SPON1: variants seen among roughly 807,000 people sequenced by gnomAD.
The protein encoded by SPON1 is spondin 1, also known as spondin-1.
SPON1 carries 52 observed loss-of-function variants against 111.7 expected under a neutral mutation model. The observed-to-expected ratio is 0.47, with a 90% CI of 0.37 to 0.59. The LOEUF is 0.59. SPON1 is among the 20% of genes least tolerant of loss of function. The probability of loss-of-function intolerance (pLI) is 0.00; values close to 1 mark genes in which losing one functional copy is unlikely to be tolerated. For missense variants in SPON1, 957 were observed against 1,068.5 expected (o/e 0.90, Z 1.46); for synonymous variants, 410 against 395.8 (o/e 1.04, Z -0.43).
At chr11:14,060,366 T>C (rs1848782484) in intron 3 of SPON1, among the ~76,000 whole-genome samples, 2 of 152,302 alleles carry the variant, frequency 1.3e-5, no homozygotes, top group East Asian at 3.9e-4. Flanking sequence ...CCTTGACAAA[T>C]GGAAGGCAGG....
At position 14,259,321 on chromosome 11, in the gene SPON1, C is replaced by G; in HGVS notation, c.1534C>G (p.Pro512Ala). The G allele has an allele frequency of 6.2e-7, 1 of 1,613,084 alleles. No homozygotes were observed. The highest frequency in any genetic ancestry group is 8.5e-7 in the Non-Finnish European group (1 of 1,179,630). Reference sequence around the variant, plus strand: ...CATGTCCGAGTGGATCACCTGGTCGCCCTGCAGCATCTCCTGCGGCATGGG... The same window carrying G: ...CATGTCCGAGTGGATCACCTGGTCGGCCTGCAGCATCTCCTGCGGCATGGG... ...CTMSEWITWS[P>A]CSISCGMGMR... The change falls in exon 12 of 16, where the codon CCC becomes GCC. Residue 512 changes from proline to alanine, a missense_variant. Physicochemically the swap from Pro to Ala is conservative, Grantham distance 27 (BLOSUM62 -1). This residue lies in a region of SPON1 where 549 missense variants were observed against 606.2 expected (regional missense o/e 0.91). Transcript: ENST00000576479. The surrounding 1 kb of genome is among the most constrained non-coding windows in gnomAD (Gnocchi z 5.0).
At chr11:14,171,606 C>T (rs1325150140) in intron 6 of SPON1, among the ~76,000 whole-genome samples, 4 of 151,976 alleles carry the variant, frequency 2.6e-5, no homozygotes, top group African/African-American at 9.7e-5. Context: ...TTAGATCTTT[C>T]CTGCTTTCTC....
At chr11:14,211,697 T>G (rs910430833) in intron 6 of SPON1, among the ~76,000 whole-genome samples, 1 of 152,222 alleles carries the variant, frequency 6.6e-6, no homozygotes, top group Non-Finnish European at 1.5e-5. Context: ...TATATAGTAA[T>G]GTAGTATATA....
intron 1 of SPON1, among the ~76,000 whole-genome samples, chr11:13,965,212 A>G (rs1848007095): frequency 6.6e-6 from 1 of 152,068 alleles, no homozygotes; most frequent in Non-Finnish European, 1.5e-5. Flanking sequence ...CCATTCATCT[A>G]CCAGTGGTTA....
intron 15 of SPON1, among the ~76,000 whole-genome samples, chr11:14,264,327 A>G (rs1394304761): frequency 6.6e-5 from 10 of 152,238 alleles, no homozygotes; most frequent in Admixed American, 6.5e-5. Context: ...AAACAGACAC[A>G]GAGGCCAGAT....
At chr11:13,971,989 T>C (rs991992165) in intron 1 of SPON1, among the ~76,000 whole-genome samples, 10 of 152,208 alleles carry the variant, frequency 6.6e-5, no homozygotes, top group African/African-American at 2.4e-4. Context: ...GTTCTGTCCT[T>C]TGGAATCAAG....
At chr11:14,197,574 G>A (rs907839522) in intron 6 of SPON1, among the ~76,000 whole-genome samples, 1 of 151,534 alleles carries the variant, frequency 6.6e-6, no homozygotes, top group East Asian at 1.9e-4. Flanking sequence ...AGCACTTTGG[G>A]GCAGTATCAC....
chr11:14,195,965 A>G (rs1340757083), intron 6 of SPON1, among the ~76,000 whole-genome samples: 7 of 152,220 alleles, frequency 4.6e-5, no homozygotes, highest in African/African-American at 1.7e-4. Context: ...ATGTGCCTCT[A>G]GAAACATTTT....
chr11:14,263,042 T>G, intron 15 of SPON1, 67 bp downstream of exon 15: 2 of 1,400,260 alleles, frequency 1.4e-6, no homozygotes, highest in Non-Finnish European at 9.4e-7. Context: ...GGGCTAAGTC[T>G]TGGACCTGTT....
intron 5 of SPON1, among the ~76,000 whole-genome samples, chr11:14,118,707 C>T (rs918268114): frequency 6.6e-6 from 1 of 152,104 alleles, no homozygotes; most frequent in Non-Finnish European, 1.5e-5. Flanking sequence ...AGAACTAATC[C>T]CGGTGACAGG....
At chr11:14,007,737 C>T (rs1554913305) in intron 2 of SPON1, among the ~76,000 whole-genome samples, 1 of 152,172 alleles carries the variant, frequency 6.6e-6, no homozygotes, top group Non-Finnish European at 1.5e-5. Flanking sequence ...TGCTGTGTGG[C>T]CCAGCTCCTA....
chr11:13,996,597 G>A (rs1340041921), intron 2 of SPON1, among the ~76,000 whole-genome samples: 1 of 152,036 alleles, frequency 6.6e-6, no homozygotes, highest in Admixed American at 6.5e-5. Context: ...GATAAATACA[G>A]AGAAAGATAA....
intron 7 of SPON1, among the ~76,000 whole-genome samples, chr11:14,245,047 G>T (rs1189537574): frequency 3.3e-5 from 5 of 152,206 alleles, no homozygotes; most frequent in Non-Finnish European, 5.9e-5. Flanking sequence ...CTAGGGAGTA[G>T]TCTACATCCA....
At chr11:14,211,064 T>C (rs1311352935) in intron 6 of SPON1, among the ~76,000 whole-genome samples, 8 of 152,162 alleles carry the variant, frequency 5.3e-5, no homozygotes, top group African/African-American at 1.7e-4. Context: ...TCTTTTTCCT[T>C]AGGATTGTCT....
chr11:14,021,849 A>G (rs1554914815), intron 2 of SPON1, among the ~76,000 whole-genome samples: 1 of 152,212 alleles, frequency 6.6e-6, no homozygotes, highest in Non-Finnish European at 1.5e-5. Flanking sequence ...GCACAATTCA[A>G]TGGCTTGCGT....
In SPON1 at chr11:14,259,593, G is replaced by T. The variant is rs782664144; in HGVS notation, c.1723G>T (p.Gly575Cys). The change falls in exon 13 of 16, where the codon GGC (glycine) becomes TGC (cysteine). Residue 575 changes from glycine (G) to cysteine (C), a missense_variant. Coordinates refer to ENST00000576479, the MANE Select transcript of SPON1 (RefSeq NM_006108.4). This position sits in a 1 kb window ranked among gnomAD's most constrained non-coding sequence, Gnocchi z 5.0. ...GEWDECSATC[G>C]MGMKKRHRMI... ...GTGGGACGAGTGCAGCGCCACCTGCGGCATGGGCATGAAGAAGCGGCACCG... is the reference window on the plus strand; with the variant it reads ...GTGGGACGAGTGCAGCGCCACCTGCTGCATGGGCATGAAGAAGCGGCACCG... 6.4e-7 allele frequency: 1 copy of T among 1,555,534 alleles called. No homozygotes were observed. The highest frequency in any genetic ancestry group is 1.9e-5 in the Admixed American group (1 of 51,284).
chr11:14,176,446 C>A (rs1237517183), intron 6 of SPON1, among the ~76,000 whole-genome samples: 4 of 152,124 alleles, frequency 2.6e-5, no homozygotes, highest in Non-Finnish European at 5.9e-5. Flanking sequence ...AGACACCCTG[C>A]AATGAGGCTA....
In SPON1 at chr11:14,262,947, G is replaced by T. The variant is rs781979345; in HGVS notation, c.2232G>T (p.Lys744Asn). The T allele has an allele frequency of 5.0e-6, 8 of 1,613,312 alleles. No individual in the cohort carries two copies. The highest frequency in any genetic ancestry group is 3.3e-4 in the Middle Eastern group (2 of 6,074). The change falls in exon 15 of 16, where the codon AAG becomes AAT. Residue 744 changes from lysine to asparagine, a missense_variant. By Grantham distance (94) the Lys-to-Asn change is moderately conservative. This residue lies in a region of SPON1 where 549 missense variants were observed against 606.2 expected (regional missense o/e 0.91). Coordinates refer to ENST00000576479, the MANE Select transcript of SPON1 (RefSeq NM_006108.4). ...ARESRRSEQL[K>N]EESEGEQFPG... ...AGAGCCGGCGGAGTGAGCAGCTGAA[G>T]GAAGAGTCTGAAGGGGAGCAGTTCC...
intron 3 of SPON1, among the ~76,000 whole-genome samples, chr11:14,070,761 C>T (rs1018347807): frequency 4.6e-5 from 7 of 152,140 alleles, no homozygotes; most frequent in African/African-American, 1.7e-4. Context: ...ACTTCACAAA[C>T]TCTAACTTCA....
Sources: allele counts gnomAD v4.1 joint callset (sites outside exome capture counted in the v4.1 genomes callset), GRCh38; gene constraint gnomAD v4.1.1; regional missense constraint gnomAD v4.1.1; non-coding constraint Gnocchi (gnomAD v3.1); transcripts MANE v1.5; gene names NCBI Gene and HGNC (gene_info 2026-07-23, HGNC 2026-07-21).